Variants in ZNF507 observed in about 807,000 individuals in gnomAD.
ZNF507 encodes zinc finger protein 507.
In ZNF507, 29 loss-of-function variants were observed where a neutral mutation model predicts 80.0. The ratio of observed to expected loss-of-function variants is 0.36; its 90% confidence interval spans 0.27 to 0.49. The LOEUF is 0.49. Among genes scored for constraint, ZNF507 ranks in the 20% least tolerant of loss-of-function variants. The pLI is 0.98. For missense variants in ZNF507, 1,081 were observed against 1,152.2 expected (o/e 0.94, Z 0.90); for synonymous variants, 462 against 422.5 (o/e 1.09, Z -1.15).
intron 2 of ZNF507, among the ~76,000 whole-genome samples, chr19:32,349,594 T>C (rs1237443430): frequency 6.6e-6 from 1 of 152,248 alleles, no homozygotes; most frequent in Non-Finnish European, 1.5e-5. Flanking sequence ...ATTTAAAATT[T>C]TTCCTGATAC....
chr19:32,347,534 G>A (rs926451917), intron 2 of ZNF507, among the ~76,000 whole-genome samples, 196 bp downstream of exon 2: 1 of 151,944 alleles, frequency 6.6e-6, no homozygotes, highest in Non-Finnish European at 1.5e-5. Context: ...ATGAAAATTG[G>A]TGTATTAGAG....
At chr19:32,382,341 C>T (rs1490786894) in intron 5 of ZNF507, 126 bp from the exon 6 acceptor site, 14 of 1,184,648 alleles carry the variant, frequency 1.2e-5, no homozygotes, top group Non-Finnish European at 1.6e-5. Flanking sequence ...ATCTTAGATT[C>T]AGTGAAATAC....
At chr19:32,365,286 G>A (rs1364638924) in intron 5 of ZNF507, among the ~76,000 whole-genome samples, 2 of 152,098 alleles carry the variant, frequency 1.3e-5, no homozygotes, top group African/African-American at 4.8e-5. Context: ...CACCCACTCT[G>A]GGTTGTCTGT....
At chr19:32,368,351 G>A (rs1967426812) in intron 5 of ZNF507, among the ~76,000 whole-genome samples, 1 of 152,232 alleles carries the variant, frequency 6.6e-6, no homozygotes, top group Non-Finnish European at 1.5e-5. Flanking sequence ...CTCAGCATAG[G>A]CTGGTGGCTG....
intron 5 of ZNF507, among the ~76,000 whole-genome samples, chr19:32,371,759 C>A (rs1967476751): frequency 6.6e-6 from 1 of 151,554 alleles, no homozygotes; most frequent in African/African-American, 2.4e-5. Flanking sequence ...CCTGCCTCAG[C>A]CTCCCAAGTA....
chr19:32,354,050 A>T lies in ZNF507; in HGVS notation c.1220A>T (p.Glu407Val). ...GTGGAGCGATTGCCAAGTGCTGAAG[A>T]AACCCTTTCACAGAAGCGCTTCCTC... ...VIVERLPSAEETLSQKRFLMN... is the reference protein window; with the variant it reads ...VIVERLPSAEVTLSQKRFLMN... The change falls in exon 3 of 7, where the codon GAA becomes GTA. Residue 407 changes from glutamate (E) to valine (V), a missense_variant. Glu to Val is a moderately radical substitution (Grantham distance 121, BLOSUM62 -2). This residue lies in a region of ZNF507 where 614 missense variants were observed against 583.9 expected (regional missense o/e 1.05). Transcript: ENST00000355898. 6.2e-7 allele frequency: 1 copy of T among 1,614,170 alleles called. No individual in the cohort carries two copies. Among genetic ancestry groups the T allele is most frequent in the Non-Finnish European group, 8.5e-7 (1 of 1,180,040 alleles).
intron 5 of ZNF507, among the ~76,000 whole-genome samples, chr19:32,366,369 C>A (rs1954129878): frequency 6.6e-6 from 1 of 152,158 alleles, no homozygotes; most frequent in Non-Finnish European, 1.5e-5. Context: ...CAGTCATTAC[C>A]CACCCCTCCC....
In ZNF507 at chr19:32,386,203, CT is replaced by C. The variant is rs1967687183; in HGVS notation, c.*3123del. 6.6e-6 allele frequency: 1 copy of C among 152,590 alleles called. No individual in the cohort carries two copies. Among genetic ancestry groups the C allele is most frequent in the African/African-American group, 2.4e-5 (1 of 41,442 alleles). The allele number at this position is 152,590 out of a possible 1,614,324, so 9.5% of individuals were successfully genotyped here. ...ACCGACCGAAGCCTTTGTTCTGGAT[CT>C]TTCTTCCTATTGAAGGTGGCTGCTG... On this transcript the variant is annotated 3_prime_UTR_variant, in exon 7 of 7. Transcript: ENST00000355898.
chr19:32,346,698 G>A (rs1001530643), intron 1 of ZNF507, among the ~76,000 whole-genome samples: 4 of 152,216 alleles, frequency 2.6e-5, no homozygotes, highest in African/African-American at 9.6e-5. Context: ...CATTCTAGGT[G>A]AAACGAATAA....
chr19:32,382,713 T>C lies in ZNF507; in HGVS notation c.2496-4T>C. On this transcript the variant is annotated splice_region_variant and splice_polypyrimidine_tract_variant and intron_variant, in intron 6 of 6. Coordinates refer to ENST00000355898, the MANE Select transcript of ZNF507 (RefSeq NM_001136156.2). Reference sequence around the variant, plus strand: ...CGGTGTGCTGTGTTTGTTTTGTTTTTAAGAGTTCTGGGGAAATCCCCTGGA... The same window carrying C: ...CGGTGTGCTGTGTTTGTTTTGTTTTCAAGAGTTCTGGGGAAATCCCCTGGA... 1 of 1,610,440 alleles carries C rather than the reference T, an allele frequency of 6.2e-7. No homozygotes were observed. The highest frequency in any genetic ancestry group is 8.5e-7 in the Non-Finnish European group (1 of 1,177,812).
chr19:32,386,550 TG>T lies in ZNF507; in HGVS notation c.*3469del, dbSNP rs1233105564. 1 of 152,680 alleles carries T rather than the reference TG, an allele frequency of 6.5e-6. No individual in the cohort carries two copies. Among genetic ancestry groups the T allele is most frequent in the African/African-American group, 2.4e-5 (1 of 41,476 alleles). 9.5% of individuals were successfully genotyped at this position (152,680 alleles called of 1,614,324 possible). ...TCTATAGCCAAAGTATAAAAATTTC[TG>T]GAATACTGACATGTAAAGACTACAG... is the stretch of plus-strand genomic sequence containing the variant. On this transcript the variant is annotated 3_prime_UTR_variant, in exon 7 of 7. Transcript: ENST00000355898.
intron 5 of ZNF507, among the ~76,000 whole-genome samples, chr19:32,368,045 T>C (rs1297643127): frequency 6.6e-6 from 1 of 152,152 alleles, no homozygotes; most frequent in African/African-American, 2.4e-5. Flanking sequence ...TTTCCCCATG[T>C]CTCAGAGCCG....
At chr19:32,355,271 A>G (rs942779862) in intron 3 of ZNF507, among the ~76,000 whole-genome samples, 3 of 152,010 alleles carry the variant, frequency 2.0e-5, no homozygotes, top group Non-Finnish European at 4.4e-5. Context: ...CATACGTTTG[A>G]CTTAACGTAT....
intron 5 of ZNF507, among the ~76,000 whole-genome samples, chr19:32,372,778 C>T (rs1045091670): frequency 6.6e-6 from 1 of 151,898 alleles, no homozygotes; most frequent in Non-Finnish European, 1.5e-5. Context: ...ACACAGAAAC[C>T]TCCCACTAGG....
intron 5 of ZNF507, among the ~76,000 whole-genome samples, chr19:32,379,602 T>G (rs988259936): frequency 6.6e-6 from 1 of 152,214 alleles, no homozygotes; most frequent in Non-Finnish European, 1.5e-5. Context: ...AACTTTTCTA[T>G]GTATATAACA....
chr19:32,367,074 C>T (rs912660980), intron 5 of ZNF507, among the ~76,000 whole-genome samples: 3 of 152,182 alleles, frequency 2.0e-5, no homozygotes, highest in African/African-American at 4.8e-5. Context: ...TATGGTTCTG[C>T]AGGCTGTCCT....
At chr19:32,355,599 A>G (rs1393410581) in intron 3 of ZNF507, among the ~76,000 whole-genome samples, 1 of 152,214 alleles carries the variant, frequency 6.6e-6, no homozygotes, top group East Asian at 1.9e-4. Context: ...ATTCTTTTAT[A>G]AAGGAAACGT....
chr19:32,380,525 C>A, intron 5 of ZNF507: 1 of 1,341,538 alleles, frequency 7.5e-7, no homozygotes, highest in Non-Finnish European at 1.0e-6. Context: ...AGTCTTTGAC[C>A]GTATTTAATT....
intron 5 of ZNF507, among the ~76,000 whole-genome samples, chr19:32,377,984 C>T (rs1357482700): frequency 2.0e-5 from 3 of 152,108 alleles, no homozygotes; most frequent in Non-Finnish European, 2.9e-5. Flanking sequence ...AAAAAAACAG[C>T]AGACAGCCCC....
Sources: gnomAD v4.1 joint callset for allele counts (sites outside exome capture counted in the v4.1 genomes callset) on GRCh38, gnomAD v4.1.1 for gene constraint, gnomAD v4.1.1 regional missense constraint, MANE v1.5 for transcripts, NCBI Gene and HGNC (gene_info 2026-07-23, HGNC 2026-07-21) for gene names.